KIF21B: variants seen among roughly 807,000 people sequenced by gnomAD.
The protein encoded by KIF21B is kinesin family member 21B.
Under a neutral mutation model 192.9 loss-of-function variants are expected in KIF21B, and 85 were observed. The ratio of observed to expected loss-of-function variants is 0.44; its 90% CI spans 0.37 to 0.53. The LOEUF (loss-of-function observed/expected upper bound fraction) is 0.53. Ranked by LOEUF, KIF21B falls within the 20% of genes least tolerant of loss-of-function variation. KIF21B has a pLI of 0.00. For missense variants in KIF21B, 1,716 were observed against 2,194.8 expected (o/e 0.78, Z 4.36); for synonymous variants, 832 against 884.6 (o/e 0.94, Z 1.05).
Position 200,986,921 on chromosome 1 carries a change from A to G in KIF21B, c.3615-3T>C. On this transcript the variant is annotated splice_polypyrimidine_tract_variant and splice_region_variant and intron_variant, in intron 25 of 34. Transcript: ENST00000461742. ...CTGTGGCTCGAGATTGCCTAGGGCTACAACAGAAGAGTCCAGTGAGGCCCA... is the reference window on the plus strand; with the variant it reads ...CTGTGGCTCGAGATTGCCTAGGGCTGCAACAGAAGAGTCCAGTGAGGCCCA... 6.2e-7 allele frequency: 1 copy of G among 1,613,616 alleles called. No individual in the cohort carries two copies. Among genetic ancestry groups the G allele is most frequent in the Non-Finnish European group, 8.5e-7 (1 of 1,179,698 alleles).
At chr1:200,985,591 A>AT (rs1442073121) in intron 26 of KIF21B, among the ~76,000 whole-genome samples, 4 of 152,110 alleles carry the variant, frequency 2.6e-5, no homozygotes, top group Non-Finnish European at 5.9e-5. Flanking sequence ...AAACCTCTTA[A>AT]TTAAGTGCAT....
intron 21 of KIF21B, among the ~76,000 whole-genome samples, 168 bp downstream of exon 21, chr1:200,989,774 C>T (rs1656555132): frequency 6.6e-6 from 1 of 152,260 alleles, no homozygotes; most frequent in African/African-American, 2.4e-5. Context: ...TATGGTCGTC[C>T]TCTCAGCTTT....
In KIF21B at chr1:200,990,051, C is replaced by T. The variant is rs370414734; in HGVS notation, c.3031-8G>A. ...TGTGGAGTCCAGCTCCTCCTAGGAC[C>T]GGGAGGCAGAGAGCCCCGTCACCTG... On this transcript the variant is annotated splice_region_variant and splice_polypyrimidine_tract_variant and intron_variant, in intron 20 of 34. Transcript: ENST00000461742. The surrounding 1 kb of genome is among the most constrained non-coding windows in gnomAD (Gnocchi z 5.4). The T allele has an allele frequency of 5.0e-6, 8 of 1,613,144 alleles. No homozygotes were observed. The highest frequency in any genetic ancestry group is 1.7e-5 in the Admixed American group (1 of 59,982).
chr1:201,014,835 C>T (rs905369024), intron 1 of KIF21B, among the ~76,000 whole-genome samples: 2 of 152,244 alleles, frequency 1.3e-5, no homozygotes, highest in African/African-American at 2.4e-5. Context: ...TTCTCACTGA[C>T]GAGAGGTCAC....
intron 17 of KIF21B, 57 bp from the exon 18 acceptor site, chr1:200,991,206 A>G: frequency 7.1e-7 from 1 of 1,402,938 alleles, no homozygotes; most frequent in Non-Finnish European, 9.9e-7. Flanking sequence ...GGAGCCACAC[A>G]GAAGGGCCCA....
intron 1 of KIF21B, among the ~76,000 whole-genome samples, chr1:201,019,234 A>G (rs1387591336): frequency 6.6e-6 from 1 of 151,880 alleles, no homozygotes; most frequent in Admixed American, 6.6e-5. Flanking sequence ...CGCCTGGCCT[A>G]GGACCCATTT....
chr1:201,014,427 G>C (rs900835674), intron 1 of KIF21B, among the ~76,000 whole-genome samples: 1 of 152,226 alleles, frequency 6.6e-6, no homozygotes, highest in African/African-American at 2.4e-5. Context: ...GGCGGAAGGG[G>C]AGGACAGAGG....
At chr1:200,992,137 GCTGTA>G in intron 16 of KIF21B, 140 bp downstream of exon 16, 1 of 679,364 alleles carries the variant, frequency 1.5e-6, no homozygotes, top group East Asian at 2.7e-5. Flanking sequence ...GCTCTGACAG[GCTGTA>G]CTGTCCTCCA....
In KIF21B at chr1:201,004,898, T is replaced by G. The variant is rs1048568962; in HGVS notation, c.768A>C (p.Thr256=). 6.2e-7 allele frequency: 1 copy of G among 1,610,252 alleles called. No individual in the cohort carries two copies. Among genetic ancestry groups the G allele is most frequent in the Non-Finnish European group, 8.5e-7 (1 of 1,177,080 alleles). ...NEAVTGLPDG[T]PPSSEYETLT... is the part of the protein sequence containing the mutation. Reference sequence around the variant, plus strand: ...GTGTCTCATACTCACTCGAGGGAGGTGTACCATCAGGAAGCCCAGTCACCG... The same window carrying G: ...GTGTCTCATACTCACTCGAGGGAGGGGTACCATCAGGAAGCCCAGTCACCG... The change falls in exon 6 of 35, where the codon ACA becomes ACC. Residue 256 remains threonine (T), a synonymous_variant. Transcript: ENST00000461742.
intron 34 of KIF21B, chr1:200,974,081 A>G (rs1158861401): frequency 1.2e-6 from 2 of 1,611,876 alleles, no homozygotes; most frequent in Admixed American, 1.7e-5. Flanking sequence ...GGAGACAGGG[A>G]GAGTTGGGGA....
At chr1:201,005,748 G>A in intron 3 of KIF21B, 54 bp from the exon 4 acceptor site, 1 of 1,573,604 alleles carries the variant, frequency 6.4e-7, no homozygotes, top group East Asian at 2.2e-5. Context: ...GGCCCCAGGT[G>A]GCTGCCACAT....
At chr1:201,019,199 C>T (rs185738446) in intron 1 of KIF21B, among the ~76,000 whole-genome samples, 154 of 152,322 alleles carry the variant, frequency 1.0e-3, no homozygotes, top group African/African-American at 3.5e-3. Context: ...TCCCAAAGTG[C>T]TGGGATCACA....
At chr1:201,012,445 C>T (rs1212917640) in intron 1 of KIF21B, among the ~76,000 whole-genome samples, 1 of 152,182 alleles carries the variant, frequency 6.6e-6, no homozygotes. Context: ...CAGGCACCTC[C>T]ACAGGTTACC....
At chr1:200,997,898 G>C (rs1225677445) in intron 14 of KIF21B, among the ~76,000 whole-genome samples, 3 of 152,194 alleles carry the variant, frequency 2.0e-5, no homozygotes, top group Non-Finnish European at 4.4e-5. Context: ...CTGCACGAGA[G>C]CAGGGATTCT....
At chr1:201,021,280 C>T (rs1658804468) in intron 1 of KIF21B, among the ~76,000 whole-genome samples, 1 of 152,244 alleles carries the variant, frequency 6.6e-6, no homozygotes, top group South Asian at 2.1e-4. Context: ...CTGCTGTACA[C>T]GGCCGGCTGC....
chr1:200,997,634 T>A (rs1657158121), intron 14 of KIF21B, among the ~76,000 whole-genome samples: 1 of 152,134 alleles, frequency 6.6e-6, no homozygotes, highest in Admixed American at 6.5e-5. Context: ...TCCCAGCTAC[T>A]CAGGAGGCTG....
intron 1 of KIF21B, among the ~76,000 whole-genome samples, chr1:201,021,635 C>T (rs938263433): frequency 2.0e-5 from 3 of 152,160 alleles, no homozygotes; most frequent in East Asian, 1.9e-4. Context: ...TGAGGCTCCC[C>T]GGGTGGGAGT....
chr1:201,002,275 CCTT>C lies in KIF21B; in HGVS notation c.1285_1287del (p.Lys429del). On this transcript the variant is annotated inframe_deletion, in exon 9 of 35. Coordinates refer to ENST00000461742, the MANE Select transcript of KIF21B (RefSeq NM_001252102.2). ...ACCCGCAGCCGCAGGGCCCCATTCT[CCTT>C]CTGTAGCATGGCATTCTCTCGGAAC... The C allele has an allele frequency of 6.2e-7, 1 of 1,614,156 alleles. No homozygotes were observed. Among genetic ancestry groups the C allele is most frequent in the Non-Finnish European group, 8.5e-7 (1 of 1,179,976 alleles).
At chr1:201,007,611 TACACACACACAGACACAGACAGGC>T (rs1657973711) in intron 3 of KIF21B, among the ~76,000 whole-genome samples, 2 of 80,530 alleles carry the variant, frequency 2.5e-5, no homozygotes, top group South Asian at 8.2e-4. Context: ...CACACAGAGA[TACACACACACAGACACAGACAGGC>T]ACACACACAC....
Sources: allele counts gnomAD v4.1 joint callset (sites outside exome capture counted in the v4.1 genomes callset), GRCh38; gene constraint gnomAD v4.1.1; non-coding constraint Gnocchi (gnomAD v3.1); transcripts MANE v1.5; gene names NCBI Gene and HGNC (gene_info 2026-07-23, HGNC 2026-07-21).